TOX: variants seen among roughly 807,000 people sequenced by gnomAD.
The protein encoded by TOX is thymocyte selection associated high mobility group box.
In TOX, 11 loss-of-function variants were observed where a neutral mutation model predicts 53.7. That is an observed-to-expected ratio of 0.20 (90% CI 0.13 to 0.34). TOX has a LOEUF of 0.34. Among genes scored for constraint, TOX ranks in the 10% least tolerant of loss-of-function variants. The pLI, the probability that TOX is intolerant of heterozygous loss-of-function variation, is 1.00. For missense variants in TOX, 570 were observed against 664.6 expected, an observed-to-expected ratio of 0.86 and a Z score of 1.56; for synonymous variants, 225 against 245.3, an observed-to-expected ratio of 0.92 and a Z score of 0.77.
chr8:59,022,495 C>A (rs139087154), intron 1 of TOX, among the ~76,000 whole-genome samples: 13 of 152,154 alleles, frequency 8.5e-5, no homozygotes, highest in African/African-American at 3.1e-4. Flanking sequence ...TAACAGCCAA[C>A]GGGATTTAAA....
intron 4 of TOX, among the ~76,000 whole-genome samples, chr8:58,850,421 T>A (rs1351491005): frequency 6.6e-6 from 1 of 152,132 alleles, no homozygotes; most frequent in Non-Finnish European, 1.5e-5. Flanking sequence ...GCTGGCATGC[T>A]GAGTAAGCCT....
chr8:58,979,329 T>A (rs1022699114), intron 1 of TOX, among the ~76,000 whole-genome samples: 1 of 152,216 alleles, frequency 6.6e-6, no homozygotes, highest in African/African-American at 2.4e-5. Flanking sequence ...TGGATGAAAA[T>A]TCCATTTGTG....
At chr8:59,080,163 A>C (rs1183102129) in intron 1 of TOX, among the ~76,000 whole-genome samples, 1 of 151,892 alleles carries the variant, frequency 6.6e-6, no homozygotes, top group African/African-American at 2.4e-5. Flanking sequence ...TTGTATTTTT[A>C]GTAGACACAG....
intron 1 of TOX, among the ~76,000 whole-genome samples, chr8:59,092,824 T>C (rs1804648558): frequency 1.3e-5 from 2 of 152,168 alleles, no homozygotes; most frequent in South Asian, 4.1e-4. Flanking sequence ...ATGACCTATT[T>C]GTGCGTCTCT....
At chr8:58,888,195 T>C (rs1811504156) in intron 3 of TOX, among the ~76,000 whole-genome samples, 1 of 152,106 alleles carries the variant, frequency 6.6e-6, no homozygotes, top group African/African-American at 2.4e-5. Context: ...CATTGTGCAG[T>C]TCATGACTGT....
rs74891379 is a variant in TOX at position 58,830,578 on chromosome 8, T to C, written c.925-3676A>G. Among the ~76,000 whole-genome samples, 592 of 152,312 alleles carry C rather than the reference T, an allele frequency of 3.9e-3. 6 individuals are homozygous for C. The highest frequency in any genetic ancestry group is 0.014 in the African/African-American group (566 of 41,572). ...ATACAATCTGTCATTTTCCTTTTAC[T>C]TTCTGCTTCTTCCCTAAACAAACAA... is the stretch of plus-strand genomic sequence containing the variant. On this transcript the variant is annotated intron_variant, in intron 5 of 8. Transcript: ENST00000361421.
At chr8:59,092,358 T>G (rs1169654939) in intron 1 of TOX, among the ~76,000 whole-genome samples, 1 of 129,502 alleles carries the variant, frequency 7.7e-6, no homozygotes, top group Non-Finnish European at 1.5e-5. Flanking sequence ...ATATATATTA[T>G]ATATATATAA....
At chr8:58,985,137 A>G (rs1438592016) in intron 1 of TOX, among the ~76,000 whole-genome samples, 2 of 149,984 alleles carry the variant, frequency 1.3e-5, no homozygotes, top group East Asian at 3.9e-4. Context: ...CATAGTCTAT[A>G]TAGATATATA....
At chr8:59,001,142 CTT>C (rs1813681821) in intron 1 of TOX, among the ~76,000 whole-genome samples, 1 of 152,150 alleles carries the variant, frequency 6.6e-6, no homozygotes, top group African/African-American at 2.4e-5. Flanking sequence ...TAAGATTACT[CTT>C]TGTCTCCATT....
intron 1 of TOX, among the ~76,000 whole-genome samples, chr8:59,060,345 T>C (rs1301677997): frequency 3.3e-5 from 5 of 152,190 alleles, no homozygotes; most frequent in South Asian, 4.1e-4. Flanking sequence ...TAATATTTTA[T>C]GGCTGGGCGC....
At chr8:58,923,642 A>T (rs1030235044) in intron 3 of TOX, among the ~76,000 whole-genome samples, 16 of 152,186 alleles carry the variant, frequency 1.1e-4, no homozygotes, top group African/African-American at 3.4e-4. Flanking sequence ...AGGGAGAGTG[A>T]TGCTTTAAAC....
chr8:58,895,209 T>C (rs1047333197), intron 3 of TOX, among the ~76,000 whole-genome samples: 1 of 152,124 alleles, frequency 6.6e-6, no homozygotes, highest in Non-Finnish European at 1.5e-5. Context: ...GATAGATAGA[T>C]AGATAGAGTT....
At chr8:58,842,540 CT>C (rs903444679) in intron 4 of TOX, among the ~76,000 whole-genome samples, 5 of 152,178 alleles carry the variant, frequency 3.3e-5, no homozygotes, top group African/African-American at 1.2e-4. Context: ...TTTCCCTCCT[CT>C]ATTGTCCAAA....
At position 58,838,204 on chromosome 8, in the gene TOX, G is replaced by A. The variant is rs1810579683; in HGVS notation, c.801C>T (p.Ala267=). 6.2e-7 allele frequency: 1 copy of A among 1,614,158 alleles called. No individual in the cohort carries two copies. The highest frequency in any genetic ancestry group is 8.5e-7 in the Non-Finnish European group (1 of 1,180,006). Residue 267 remains alanine, a synonymous_variant, in exon 5 of 9, where the codon GCC becomes GCT. Transcript: ENST00000361421. Reference sequence around the variant, plus strand: ...GAGTATCACGAAAGAATAACGCATAGGCAGACACAGGCTTCTGGGGCTCAT... The same window carrying A: ...GAGTATCACGAAAGAATAACGCATAAGCAGACACAGGCTTCTGGGGCTCAT... ...DPNEPQKPVS[A]YALFFRDTQA... is the part of the protein sequence containing the mutation.
intron 3 of TOX, among the ~76,000 whole-genome samples, chr8:58,854,023 C>T (rs1225398829): frequency 6.6e-6 from 1 of 152,168 alleles, no homozygotes; most frequent in Non-Finnish European, 1.5e-5. Flanking sequence ...AGAGTAATGG[C>T]TACCTGTAAG....
chr8:58,892,809 G>A (rs1811578655), intron 3 of TOX, among the ~76,000 whole-genome samples: 2 of 152,042 alleles, frequency 1.3e-5, no homozygotes, highest in South Asian at 4.2e-4. Flanking sequence ...TACGACCTTG[G>A]GCAAGTCACT....
intron 1 of TOX, among the ~76,000 whole-genome samples, chr8:59,043,415 T>A (rs1803628975): frequency 6.6e-6 from 1 of 151,534 alleles, no homozygotes; most frequent in African/African-American, 2.4e-5. Context: ...ATAATTAATA[T>A]GTTTGAATAT....
At chr8:58,807,919 A>C in intron 8 of TOX, 136 bp from the exon 9 acceptor site, 2 of 1,299,790 alleles carry the variant, frequency 1.5e-6, no homozygotes, top group Non-Finnish European at 2.2e-6. Context: ...GTTAACCTAC[A>C]TCTGAAGTGA....
intron 2 of TOX, among the ~76,000 whole-genome samples, chr8:58,947,999 G>T (rs1812552570): frequency 6.6e-6 from 1 of 152,198 alleles, no homozygotes; most frequent in African/African-American, 2.4e-5. Context: ...AGGCTACTAG[G>T]CTCAATGCAG....
Sources: gnomAD v4.1 joint callset for allele counts (sites outside exome capture counted in the v4.1 genomes callset) on GRCh38, gnomAD v4.1.1 for gene constraint, MANE v1.5 for transcripts, NCBI Gene and HGNC (gene_info 2026-07-23, HGNC 2026-07-21) for gene names.